Variants in KIF13B observed in about 807,000 individuals in gnomAD.
KIF13B encodes kinesin-like protein KIF13B.
KIF13B carries 127 observed loss-of-function variants against 222.0 expected under a neutral mutation model. The observed-to-expected ratio is 0.57, with a 90% CI of 0.50 to 0.66. The LOEUF is 0.66. Ranked by LOEUF, KIF13B falls within the 30% of genes least tolerant of loss-of-function variation. KIF13B has a pLI of 0.00. For synonymous variants in KIF13B, 976 were observed against 919.0 expected (o/e 1.06, Z -1.12); for missense variants, 2,173 against 2,379.0 (o/e 0.91, Z 1.80).
chr8:29,080,508 C>T (rs1807760708), intron 37 of KIF13B, among the ~76,000 whole-genome samples: 1 of 152,124 alleles, frequency 6.6e-6, no homozygotes, highest in Non-Finnish European at 1.5e-5. Context: ...AACCAGCCTC[C>T]GGCATGTGAG....
At chr8:29,133,532 A>T (rs1810434641) in intron 22 of KIF13B, among the ~76,000 whole-genome samples, 1 of 152,232 alleles carries the variant, frequency 6.6e-6, no homozygotes, top group African/African-American at 2.4e-5. Context: ...CAGGGGTTGC[A>T]GTGAGCCAAG....
At chr8:29,102,566 C>A (rs1295447620) in intron 35 of KIF13B, among the ~76,000 whole-genome samples, 1 of 152,240 alleles carries the variant, frequency 6.6e-6, no homozygotes, top group Non-Finnish European at 1.5e-5. Context: ...CCCAGGGACC[C>A]ATGCAGTTTT....
Position 29,072,012 on chromosome 8 carries a change from T to C in KIF13B, c.4826A>G (p.His1609Arg). ...GGGGACGGCCGTGGGCGGTGGGGGG[T>C]GGCTGATGGGCGCCTCGGGCTCGGC... ...PEAEPEAPIS[H>R]PPPPTAVPAE... Residue 1609 changes from histidine to arginine, a missense_variant, in exon 39 of 40, where the codon CAC becomes CGC. Coordinates refer to ENST00000524189, the MANE Select transcript of KIF13B (RefSeq NM_015254.4). 1 of 1,283,862 alleles carries C rather than the reference T, an allele frequency of 7.8e-7. No individual in the cohort carries two copies. The highest frequency in any genetic ancestry group is 2.5e-5 in the South Asian group (1 of 40,286). 79.5% of individuals were successfully genotyped at this position (1,283,862 alleles called of 1,614,324 possible).
At chr8:29,191,215 C>T (rs953090392) in intron 3 of KIF13B, among the ~76,000 whole-genome samples, 158 bp from the exon 4 acceptor site, 1 of 152,082 alleles carries the variant, frequency 6.6e-6, no homozygotes, top group South Asian at 2.1e-4. Flanking sequence ...ACTAAACATG[C>T]TATAGGTGAT....
intron 24 of KIF13B, among the ~76,000 whole-genome samples, chr8:29,130,081 T>C (rs1810279805): frequency 6.6e-6 from 1 of 152,260 alleles, no homozygotes; most frequent in Admixed American, 6.5e-5. Context: ...ATGTTTGGTT[T>C]ATGTCCTACA....
At chr8:29,155,704 A>G in intron 14 of KIF13B, 22 bp downstream of exon 14, 1 of 1,594,530 alleles carries the variant, frequency 6.3e-7, no homozygotes, top group Non-Finnish European at 8.6e-7. Flanking sequence ...TTGTGATATG[A>G]ACACTAATTC....
intron 37 of KIF13B, among the ~76,000 whole-genome samples, chr8:29,076,933 C>T (rs954874612): frequency 6.6e-6 from 1 of 152,026 alleles, no homozygotes; most frequent in African/African-American, 2.4e-5. Context: ...TATGATCACA[C>T]CACCACACTC....
At position 29,092,860 on chromosome 8, in the gene KIF13B, G is replaced by A. The variant is rs769220820; in HGVS notation, c.4343C>T (p.Ala1448Val). 3 of 1,611,132 alleles carry A rather than the reference G, an allele frequency of 1.9e-6. No individual in the cohort carries two copies. Among genetic ancestry groups the A allele is most frequent in the Admixed American group, 3.4e-5 (2 of 59,630 alleles). ...SPDPGLSNLA[A>V]SYLNPVKSFV... ...GGATTTGACAGGATTCAAGTAGGATGCTGCAAGGTTACTGAGTCCTGCCCA... is the reference window on the plus strand; with the variant it reads ...GGATTTGACAGGATTCAAGTAGGATACTGCAAGGTTACTGAGTCCTGCCCA... Residue 1448 changes from alanine to valine, a missense_variant, in exon 37 of 40, where the codon GCA becomes GTA. Transcript: ENST00000524189.
chr8:29,076,209 T>C (rs918435782), intron 37 of KIF13B, among the ~76,000 whole-genome samples: 144 of 152,220 alleles, frequency 9.5e-4, no homozygotes, highest in African/African-American at 3.4e-3. Flanking sequence ...CAGAAGAAGC[T>C]GGGAACATGC....
chr8:29,085,202 T>C (rs1246536112), intron 37 of KIF13B, among the ~76,000 whole-genome samples: 1 of 152,230 alleles, frequency 6.6e-6, no homozygotes, highest in Non-Finnish European at 1.5e-5. Context: ...AACCTGCTGA[T>C]TCCAAAGAAC....
chr8:29,131,172 G>C (rs1810327026), intron 23 of KIF13B, among the ~76,000 whole-genome samples: 1 of 152,126 alleles, frequency 6.6e-6, no homozygotes, highest in Non-Finnish European at 1.5e-5. Context: ...ACTCCCAGGA[G>C]TTGGGGAGCA....
intron 37 of KIF13B, among the ~76,000 whole-genome samples, chr8:29,090,918 A>C (rs1463646025): frequency 6.6e-6 from 1 of 152,140 alleles, no homozygotes; most frequent in African/African-American, 2.4e-5. Context: ...GGGTTTCGCC[A>C]TGTTGGCCAG....
In KIF13B at chr8:29,191,128, T is replaced by G. The variant is rs182447227; in HGVS notation, c.163-71A>C. ...ACTTATAAACCATAACTGATAGAAC[T>G]GTTCATAATAGTGAAATAAAACAAC... On this transcript the variant is annotated intron_variant, in intron 3 of 39. Coordinates refer to ENST00000524189, the MANE Select transcript of KIF13B (RefSeq NM_015254.4). 198 of 1,140,012 alleles carry G rather than the reference T, an allele frequency of 1.7e-4. No homozygotes were observed. In the African/African-American group the frequency reaches 2.8e-3, roughly 16 times the overall value. 70.6% of individuals were successfully genotyped at this position (1,140,012 alleles called of 1,614,324 possible). A position where few individuals can be genotyped will look rare whatever the true frequency, so the allele number is the denominator to read the frequency against.
chr8:29,208,271 T>C (rs1435938794), intron 2 of KIF13B, among the ~76,000 whole-genome samples: 1 of 152,188 alleles, frequency 6.6e-6, no homozygotes, highest in Non-Finnish European at 1.5e-5. Flanking sequence ...AGGATAAAAG[T>C]AGTGCTATTT....
chr8:29,203,090 TACATGTCA>T (rs1361636275), intron 2 of KIF13B, among the ~76,000 whole-genome samples: 3 of 152,222 alleles, frequency 2.0e-5, no homozygotes, highest in Admixed American at 2.0e-4. Flanking sequence ...AATAAACTTT[TACATGTCA>T]TCTCGGCTAG....
At chr8:29,129,458 A>C (rs926604131) in intron 24 of KIF13B, among the ~76,000 whole-genome samples, 5 of 152,216 alleles carry the variant, frequency 3.3e-5, no homozygotes, top group African/African-American at 7.2e-5. Flanking sequence ...GTTTATCATC[A>C]TCCTCCTCTT....
rs201770958 is a variant in KIF13B, at chr8:29,070,524, G to A, written c.5461C>T (p.Arg1821Trp). Residue 1821 changes from arginine (R) to tryptophan (W), a missense_variant, in exon 40 of 40, where the codon CGG (arginine) becomes TGG (tryptophan). Physicochemically the swap from Arg to Trp is moderately radical, Grantham distance 101. This residue lies in a region of KIF13B where 693 missense variants were observed against 656.2 expected (regional missense o/e 1.06). Coordinates refer to ENST00000524189, the MANE Select transcript of KIF13B (RefSeq NM_015254.4). The surrounding 1 kb of genome is among the most constrained non-coding windows in gnomAD (Gnocchi z 4.1). Reference sequence around the variant, plus strand: ...GCGGCTCAGCTGGCCCAGGATTTCCGGTTCTCAGGGTTCTTGTGGCTCCTG... The same window carrying A: ...GCGGCTCAGCTGGCCCAGGATTTCCAGTTCTCAGGGTTCTTGTGGCTCCTG... ...ADRSHKNPEN[R>W]KSWAS is the part of the protein sequence containing the mutation. 3.1e-4 allele frequency: 501 copies of A among 1,610,694 alleles called. No homozygotes were observed. In the African/African-American group the frequency reaches 5.2e-3, roughly 17 times the overall value.
intron 2 of KIF13B, among the ~76,000 whole-genome samples, chr8:29,234,793 A>G (rs1265789182): frequency 1.3e-5 from 2 of 152,002 alleles, no homozygotes; most frequent in Non-Finnish European, 2.9e-5. Context: ...AAGAATCTAC[A>G]CCAAGGTTGA....
chr8:29,118,327 T>TAAAAA (rs1208760858), intron 30 of KIF13B, among the ~76,000 whole-genome samples: 1 of 120,656 alleles, frequency 8.3e-6, no homozygotes. Context: ...CCATCTCTAC[T>TAAAAA]AAAAAAAAAA....
Sources: allele counts gnomAD v4.1 joint callset (sites outside exome capture counted in the v4.1 genomes callset), GRCh38; gene constraint gnomAD v4.1.1; regional missense constraint gnomAD v4.1.1; non-coding constraint Gnocchi (gnomAD v3.1); transcripts MANE v1.5; gene names NCBI Gene and HGNC (gene_info 2026-07-23, HGNC 2026-07-21).